Variants in NALF1 observed in about 807,000 individuals in gnomAD.
The protein encoded by NALF1 is family with sequence similarity 155 member A.
Under a neutral mutation model 48.4 loss-of-function variants are expected in NALF1, and 3 were observed. That is an observed-to-expected ratio of 0.06 (90% CI 0.03 to 0.16). The LOEUF (loss-of-function observed/expected upper bound fraction) is 0.16, where lower values mean the gene tolerates loss of function less well. Among genes scored for constraint, NALF1 ranks in the 10% least tolerant of loss-of-function variants. The probability of loss-of-function intolerance (pLI) is 1.00; values close to 1 mark genes in which losing one functional copy is unlikely to be tolerated. For missense variants in NALF1, 526 were observed against 571.5 expected (o/e 0.92, Z 0.81); for synonymous variants, 262 against 245.7 (o/e 1.07, Z -0.62).
intron 1 of NALF1, among the ~76,000 whole-genome samples, chr13:107,730,794 A>G (rs3905064): frequency 0.74 from 113,145 of 152,158 alleles, 43,339 homozygotes; most frequent in Non-Finnish European, 0.85. Context: ...TAAATGAGTA[A>G]CAGTCTCAAA....
At chr13:107,173,022 G>A (rs764261775) in intron 2 of NALF1, among the ~76,000 whole-genome samples, 1 of 151,904 alleles carries the variant, frequency 6.6e-6, no homozygotes, top group Non-Finnish European at 1.5e-5. Context: ...TGAATAACAT[G>A]CATCTATATT....
chr13:107,276,527 T>C (rs1881284454), intron 1 of NALF1, among the ~76,000 whole-genome samples: 1 of 152,166 alleles, frequency 6.6e-6, no homozygotes, highest in Non-Finnish European at 1.5e-5. Flanking sequence ...CTGAAATACA[T>C]ACACATAAAT....
chr13:107,439,706 T>C (rs1310366559), intron 1 of NALF1, among the ~76,000 whole-genome samples: 1 of 152,214 alleles, frequency 6.6e-6, no homozygotes. Flanking sequence ...TTCATGTAGA[T>C]GGAGGTAAAC....
intron 1 of NALF1, among the ~76,000 whole-genome samples, chr13:107,766,357 T>C (rs1427625014): frequency 6.6e-6 from 1 of 152,144 alleles, no homozygotes; most frequent in African/African-American, 2.4e-5. Context: ...CCGATAACAA[T>C]GTGCTCAGAG....
intron 1 of NALF1, among the ~76,000 whole-genome samples, chr13:107,839,976 C>T (rs1880000445): frequency 6.6e-6 from 1 of 150,416 alleles, no homozygotes; most frequent in African/African-American, 2.5e-5. Context: ...ACTTGCAATG[C>T]TCTTATGTAG....
chr13:107,227,521 G>C (rs1262592644), intron 1 of NALF1, among the ~76,000 whole-genome samples: 1 of 152,208 alleles, frequency 6.6e-6, no homozygotes, highest in African/African-American at 2.4e-5. Context: ...AACTGCATAA[G>C]GTTAAAAGTT....
chr13:107,297,535 C>A lies in NALF1; in HGVS notation c.916-86780G>T, dbSNP rs112913637. 4.3e-3 allele frequency among the ~76,000 whole-genome samples: 661 copies of A among 152,178 alleles called. 6 individuals carry two copies. The highest frequency in any genetic ancestry group is 0.015 in the African/African-American group (627 of 41,538). On this transcript the variant is annotated intron_variant, in intron 1 of 2. Coordinates refer to ENST00000375915, the MANE Select transcript of NALF1 (RefSeq NM_001080396.3). ...TCTTTTATTTTAACCATGAAGACAG[C>A]CAGTTTCCCAAAGGCTACACTTCAG...
Position 107,859,790 on chromosome 13 carries a change from C to T in NALF1, c.915+5892G>A, listed in dbSNP as rs551353804. 7.9e-5 allele frequency among the ~76,000 whole-genome samples: 12 copies of T among 151,810 alleles called. No homozygotes were observed. In the East Asian group the frequency reaches 2.1e-3, roughly 27 times the overall value. ...TGGTGGTAGGCTATAATCGCAGCTA[C>T]TGTAATCCCACCTACTCAGGAGACT... On this transcript the variant is annotated intron_variant, in intron 1 of 2. Transcript: ENST00000375915.
At chr13:107,349,766 T>C (rs1369201598) in intron 1 of NALF1, among the ~76,000 whole-genome samples, 7 of 146,002 alleles carry the variant, frequency 4.8e-5, no homozygotes, top group African/African-American at 1.8e-4. Flanking sequence ...GAAACTGAGG[T>C]AGCTGATTTA....
At chr13:107,587,442 C>T (rs1878490728) in intron 1 of NALF1, among the ~76,000 whole-genome samples, 1 of 152,082 alleles carries the variant, frequency 6.6e-6, no homozygotes, top group Non-Finnish European at 1.5e-5. Flanking sequence ...TAACCTGTTT[C>T]TCTGTAATGA....
At chr13:107,170,872 C>T (rs1238687930) in intron 2 of NALF1, 86 bp from the exon 3 acceptor site, 3 of 1,258,328 alleles carry the variant, frequency 2.4e-6, no homozygotes, top group African/African-American at 1.5e-5. Context: ...AACATTCTAA[C>T]CCACAAAATC....
intron 2 of NALF1, among the ~76,000 whole-genome samples, chr13:107,208,759 T>C (rs950163067): frequency 4.6e-5 from 7 of 152,176 alleles, no homozygotes; most frequent in East Asian, 1.9e-4. Context: ...GAATGTTGTA[T>C]GCAAAATTCA....
At chr13:107,558,965 G>T (rs926863911) in intron 1 of NALF1, among the ~76,000 whole-genome samples, 2 of 152,266 alleles carry the variant, frequency 1.3e-5, no homozygotes, top group South Asian at 4.1e-4. Context: ...TGGGGTCAGT[G>T]GGCCTGGGCT....
intron 1 of NALF1, among the ~76,000 whole-genome samples, chr13:107,435,932 G>A (rs1289369533): frequency 2.0e-5 from 3 of 152,154 alleles, no homozygotes; most frequent in African/African-American, 7.2e-5. Flanking sequence ...CATGGCAGCA[G>A]TTCCACAGAG....
intron 1 of NALF1, among the ~76,000 whole-genome samples, chr13:107,250,743 GT>G (rs148204074): frequency 0.012 from 1,779 of 152,156 alleles, 33 homozygotes; most frequent in African/African-American, 0.041. Context: ...CCAAACTCAT[GT>G]CCATTTGTAA....
chr13:107,548,465 C>A (rs1351286947), intron 1 of NALF1, among the ~76,000 whole-genome samples: 1 of 151,964 alleles, frequency 6.6e-6, no homozygotes, highest in Non-Finnish European at 1.5e-5. Flanking sequence ...GATTCATATC[C>A]CTCTGGGTAT....
Position 107,567,265 on chromosome 13 carries a change from C to A in NALF1, c.915+298417G>T, listed in dbSNP as rs183306582. Among the ~76,000 whole-genome samples, 367 of 152,196 alleles carry A rather than the reference C, an allele frequency of 2.4e-3. 2 individuals are homozygous for A. Among genetic ancestry groups the A allele is most frequent in the African/African-American group, 8.6e-3 (358 of 41,524 alleles). The stretch of plus-strand genomic sequence containing the variant: ...GAATATAGATTCTTCCCCATACTTA[C>A]CAAAATGTATTAGACATATTTTAAT... On this transcript the variant is annotated intron_variant, in intron 1 of 2. Coordinates refer to ENST00000375915, the MANE Select transcript of NALF1 (RefSeq NM_001080396.3).
chr13:107,329,658 C>T (rs966738420), intron 1 of NALF1, among the ~76,000 whole-genome samples: 1 of 146,512 alleles, frequency 6.8e-6, no homozygotes, highest in Non-Finnish European at 1.5e-5. Context: ...CCCCTCCCCC[C>T]ACGCCACAAC....
intron 1 of NALF1, among the ~76,000 whole-genome samples, chr13:107,715,363 T>C (rs1875721002): frequency 6.6e-6 from 1 of 152,002 alleles, no homozygotes; most frequent in Non-Finnish European, 1.5e-5. Flanking sequence ...CCACCACAAC[T>C]GGCTAATTTT....
Sources: gnomAD v4.1 joint callset for allele counts (sites outside exome capture counted in the v4.1 genomes callset) on GRCh38, gnomAD v4.1.1 for gene constraint, MANE v1.5 for transcripts, NCBI Gene and HGNC (gene_info 2026-07-23, HGNC 2026-07-21) for gene names.